PLCB1: variants seen among roughly 807,000 people sequenced by gnomAD.
PLCB1 encodes 1-phosphatidylinositol 4,5-bisphosphate phosphodiesterase beta-1.
Under a neutral mutation model 161.8 loss-of-function variants are expected in PLCB1, and 46 were observed. That is an observed-to-expected ratio of 0.28 (90% CI 0.22 to 0.36). The LOEUF is 0.36. Among genes scored for constraint, PLCB1 ranks in the 10% least tolerant of loss-of-function variants. The probability of loss-of-function intolerance (pLI) is 1.00; values close to 1 mark genes in which losing one functional copy is unlikely to be tolerated. For synonymous variants in PLCB1, 517 were observed against 503.7 expected (o/e 1.03, Z -0.35); for missense variants, 1,016 against 1,472.5 (o/e 0.69, Z 5.07).
chr20:8,862,289 AAC>A (rs1476617976), intron 31 of PLCB1, among the ~76,000 whole-genome samples: 4 of 152,246 alleles, frequency 2.6e-5, no homozygotes, highest in Non-Finnish European at 2.9e-5. Context: ...CACCAGGACC[AAC>A]TGGCATTTTA....
intron 3 of PLCB1, among the ~76,000 whole-genome samples, chr20:8,494,454 T>G (rs6077369): frequency 0.51 from 77,529 of 152,040 alleles, 21,002 homozygotes; most frequent in East Asian, 0.65. Context: ...CAGCAGAATA[T>G]TTTAAAATTA....
At chr20:8,195,657 A>T (rs563804281) in intron 2 of PLCB1, among the ~76,000 whole-genome samples, 19 of 152,206 alleles carry the variant, frequency 1.2e-4, no homozygotes, top group Admixed American at 1.2e-3. Flanking sequence ...TCTAGAATCA[A>T]CTCAATTTTC....
chr20:8,612,624 T>C (rs74398454), intron 3 of PLCB1, among the ~76,000 whole-genome samples: 3,051 of 152,268 alleles, frequency 0.02, 87 homozygotes, highest in African/African-American at 0.064. Context: ...ACCTTAGACC[T>C]TTCTGCCCCA....
Position 8,182,331 on chromosome 20 carries a change from G to A in PLCB1, c.177+31960G>A, listed in dbSNP as rs570092717. ...TTTCCTCACCCTTTAAAACTAGGCTGGGGTTGTGAGTTTCTTTGTCTGGTA... is the reference window on the plus strand; with the variant it reads ...TTTCCTCACCCTTTAAAACTAGGCTAGGGTTGTGAGTTTCTTTGTCTGGTA... On this transcript the variant is annotated intron_variant, in intron 2 of 31. Transcript: ENST00000338037. Among the ~76,000 whole-genome samples, 4 of 152,216 alleles carry A rather than the reference G, an allele frequency of 2.6e-5. No homozygotes were observed. In the South Asian group the frequency reaches 8.3e-4, roughly 32 times the overall value.
chr20:8,689,935 T>A (rs1254601385), intron 10 of PLCB1, among the ~76,000 whole-genome samples: 2 of 46,474 alleles, frequency 4.3e-5, no homozygotes, highest in East Asian at 1.1e-3. Flanking sequence ...ACCTTTTTTA[T>A]GAAGAAAGAA....
chr20:8,328,316 T>C (rs905146775), intron 2 of PLCB1, among the ~76,000 whole-genome samples: 6 of 152,130 alleles, frequency 3.9e-5, no homozygotes, highest in African/African-American at 1.4e-4. Flanking sequence ...AATGCCTTTA[T>C]CATAGCTTAA....
At chr20:8,225,505 A>G (rs569650621) in intron 2 of PLCB1, among the ~76,000 whole-genome samples, 6 of 152,214 alleles carry the variant, frequency 3.9e-5, no homozygotes, top group Non-Finnish European at 7.3e-5. Flanking sequence ...ATTCGAGATA[A>G]TCTTATAGTT....
rs1371069452 is a variant in PLCB1 at position 8,637,029 on chromosome 20, C to CAA, written c.384+8599_384+8600insAA. On this transcript the variant is annotated intron_variant, in intron 4 of 31. Coordinates refer to ENST00000338037, the MANE Select transcript of PLCB1 (RefSeq NM_015192.4). ...AGCCTGGAAGCAAGAACATGAGCAC[C>CAA]ACAAAAAAAAAAAAAAAATCACCGT... Among the ~76,000 whole-genome samples the CAA allele has an allele frequency of 3.7e-3, 440 of 119,112 alleles. 3 individuals carry two copies. The highest frequency in any genetic ancestry group is 0.011 in the African/African-American group (376 of 33,722). The allele number at this position is 119,112 out of a possible 152,430, so 78.1% of individuals were successfully genotyped here. A position where few individuals can be genotyped will look rare whatever the true frequency, so the allele number is the denominator to read the frequency against.
intron 31 of PLCB1, among the ~76,000 whole-genome samples, chr20:8,799,952 C>A (rs1380029565): frequency 6.6e-6 from 1 of 152,152 alleles, no homozygotes. Context: ...TCAGTACAGA[C>A]ACAACCATCC....
At chr20:8,663,583 T>C (rs1299983026) in intron 9 of PLCB1, among the ~76,000 whole-genome samples, 1 of 152,078 alleles carries the variant, frequency 6.6e-6, no homozygotes, top group African/African-American at 2.4e-5. Context: ...TTTTGGGAGA[T>C]GTGTATATTG....
intron 3 of PLCB1, among the ~76,000 whole-genome samples, chr20:8,551,556 C>T (rs1985777055): frequency 6.6e-6 from 1 of 152,104 alleles, no homozygotes; most frequent in African/African-American, 2.4e-5. Context: ...TACCAGAGGG[C>T]TTTCTCTGGT....
intron 3 of PLCB1, among the ~76,000 whole-genome samples, chr20:8,406,493 G>T (rs1186105126): frequency 1.3e-5 from 2 of 152,158 alleles, no homozygotes; most frequent in Admixed American, 6.6e-5. Flanking sequence ...ATTGTGAATT[G>T]AAAAGCAACA....
chr20:8,289,311 C>T (rs934378747), intron 2 of PLCB1, among the ~76,000 whole-genome samples: 5 of 152,144 alleles, frequency 3.3e-5, no homozygotes, highest in African/African-American at 4.8e-5. Flanking sequence ...GCACACAAGT[C>T]CCCTGTGGAT....
At chr20:8,845,107 C>T (rs887478802) in intron 31 of PLCB1, among the ~76,000 whole-genome samples, 7 of 150,194 alleles carry the variant, frequency 4.7e-5, no homozygotes, top group Admixed American at 3.4e-4. Context: ...GAGCAAGACT[C>T]TGTCTCAAAA....
intron 3 of PLCB1, among the ~76,000 whole-genome samples, chr20:8,417,073 A>ATTTTTTTTT (rs3031852): frequency 7.5e-5 from 3 of 39,886 alleles, no homozygotes; most frequent in Non-Finnish European, 8.3e-5. Context: ...ATATATATAT[A>ATTTTTTTTT]TTTTTTTTTT....
chr20:8,160,957 G>C (rs1381954006), intron 2 of PLCB1, among the ~76,000 whole-genome samples: 4 of 151,968 alleles, frequency 2.6e-5, no homozygotes, highest in African/African-American at 9.7e-5. Context: ...TTAGGACGTT[G>C]GTACCTATTA....
At chr20:8,608,936 A>G (rs1314893246) in intron 3 of PLCB1, among the ~76,000 whole-genome samples, 1 of 152,148 alleles carries the variant, frequency 6.6e-6, no homozygotes, top group African/African-American at 2.4e-5. Context: ...TAGCTCCTGA[A>G]ATGTATTGAG....
chr20:8,621,008 T>G (rs550242232), intron 3 of PLCB1, among the ~76,000 whole-genome samples: 1 of 152,222 alleles, frequency 6.6e-6, no homozygotes, highest in East Asian at 1.9e-4. Context: ...CATTACAAAA[T>G]AGGAAAACTT....
intron 3 of PLCB1, among the ~76,000 whole-genome samples, chr20:8,566,925 A>G (rs1273296330): frequency 6.6e-6 from 1 of 151,682 alleles, no homozygotes; most frequent in Non-Finnish European, 1.5e-5. Context: ...GCTAGGTGTC[A>G]TTTGTTCTTG....
Sources: allele counts gnomAD v4.1 joint callset (sites outside exome capture counted in the v4.1 genomes callset), GRCh38; gene constraint gnomAD v4.1.1; transcripts MANE v1.5; gene names NCBI Gene and HGNC (gene_info 2026-07-23, HGNC 2026-07-21).